Variants in RERE observed in about 807,000 individuals in gnomAD.
The protein encoded by RERE is arginine-glutamic acid dipeptide repeats protein.
In RERE, 40 loss-of-function variants were observed where a neutral mutation model predicts 146.1. The observed-to-expected ratio is 0.27, with a 90% CI of 0.21 to 0.36. The LOEUF (loss-of-function observed/expected upper bound fraction) is 0.36. Ranked by LOEUF, RERE falls within the 10% of genes least tolerant of loss-of-function variation. The pLI, the probability that RERE is intolerant of heterozygous loss-of-function variation, is 1.00. For missense variants in RERE, 1,933 were observed against 2,138.7 expected (o/e 0.90, Z 1.90); for synonymous variants, 1,003 against 866.0 (o/e 1.16, Z -2.78).
At chr1:8,480,808 C>G (rs142801815) in intron 10 of RERE, among the ~76,000 whole-genome samples, 85 of 152,212 alleles carry the variant, frequency 5.6e-4, no homozygotes, top group African/African-American at 1.7e-3. Context: ...GTTATTAATA[C>G]TAATATAGGC....
At chr1:8,401,400 C>T (rs903516888) in intron 12 of RERE, among the ~76,000 whole-genome samples, 1 of 151,856 alleles carries the variant, frequency 6.6e-6, no homozygotes, top group Non-Finnish European at 1.5e-5. Flanking sequence ...CGAGATCCTG[C>T]CACTGCACGC....
chr1:8,464,697 A>C (rs918139997), intron 11 of RERE, among the ~76,000 whole-genome samples: 1 of 152,120 alleles, frequency 6.6e-6, no homozygotes, highest in African/African-American at 2.4e-5. Context: ...TAATATCCAA[A>C]AGGCTGCCTT....
intron 3 of RERE, among the ~76,000 whole-genome samples, chr1:8,617,627 C>T (rs1224082654): frequency 1.3e-5 from 2 of 152,238 alleles, no homozygotes; most frequent in East Asian, 3.9e-4. Context: ...GCAGGCCTAC[C>T]TTGAAGGACT....
chr1:8,361,807 T>C lies in RERE; in HGVS notation c.1972A>G (p.Thr658Ala). The C allele has an allele frequency of 6.2e-7, 1 of 1,614,090 alleles. No homozygotes were observed. The highest frequency in any genetic ancestry group is 8.5e-7 in the Non-Finnish European group (1 of 1,179,946). ...KRQREKVASD[T>A]EEADRTSSKK... is the part of the protein sequence containing the mutation. ...GAGCTGGTCCTGTCAGCCTCCTCCG[T>C]ATCAGAGGCCACCTTCTCCCGCTGG... The change falls in exon 17 of 23, where the codon ACG becomes GCG. Residue 658 changes from threonine (T) to alanine (A), a missense_variant. Transcript: ENST00000400908.
chr1:8,520,752 TTTAAAAA>T lies in RERE; in HGVS notation c.831-12084_831-12078del, dbSNP rs1175309443. Among the ~76,000 whole-genome samples the T allele has an allele frequency of 7.4e-4, 11 of 14,778 alleles. No individual in the cohort carries two copies. In the East Asian group the frequency reaches 0.11, roughly 144 times the overall value. The allele number at this position is 14,778 out of a possible 152,430, so 9.7% of individuals were successfully genotyped here. On this transcript the variant is annotated intron_variant, in intron 7 of 22. Transcript: ENST00000400908. ...ACATGGAGATTCAGCCAAAAAACTTTTTAAAAAAAAAAAAAAAAAAAAAACCACTATG... is the reference window on the plus strand; with the variant it reads ...ACATGGAGATTCAGCCAAAAAACTTTAAAAAAAAAAAAAAAAACCACTATG...
intron 1 of RERE, among the ~76,000 whole-genome samples, chr1:8,670,965 G>A (rs865843274): frequency 1.3e-5 from 2 of 152,150 alleles, no homozygotes; most frequent in East Asian, 1.9e-4. Flanking sequence ...CTAACAGAGC[G>A]CACGTGGTGT....
chr1:8,504,721 C>T (rs1341988183), intron 8 of RERE, among the ~76,000 whole-genome samples: 6 of 151,944 alleles, frequency 3.9e-5, no homozygotes, highest in East Asian at 1.9e-4. Context: ...GGTGTGGTGG[C>T]GGGCGCCTAT....
chr1:8,733,184 AGAGAGAGT>A (rs1263010322), intron 1 of RERE, among the ~76,000 whole-genome samples: 1 of 152,106 alleles, frequency 6.6e-6, no homozygotes, highest in African/African-American at 2.4e-5. Flanking sequence ...AAAGAGAGAG[AGAGAGAGT>A]GAGTGTTGGG....
intron 4 of RERE, among the ~76,000 whole-genome samples, chr1:8,610,900 A>G (rs1646785244): frequency 1.3e-5 from 2 of 151,716 alleles, no homozygotes; most frequent in Admixed American, 6.6e-5. Flanking sequence ...GATTTAAAAA[A>G]AAAAAAACCA....
At chr1:8,458,190 G>C (rs1043564039) in intron 11 of RERE, among the ~76,000 whole-genome samples, 74 of 152,102 alleles carry the variant, frequency 4.9e-4, no homozygotes, top group African/African-American at 1.7e-3. Flanking sequence ...AATAACCACT[G>C]TCTATGGGAG....
intron 6 of RERE, among the ~76,000 whole-genome samples, chr1:8,552,600 A>G (rs866589819): frequency 8.5e-5 from 13 of 152,230 alleles, no homozygotes; most frequent in African/African-American, 1.2e-4. Context: ...AATTGGAAAA[A>G]AAAGGTAAAG....
intron 11 of RERE, among the ~76,000 whole-genome samples, chr1:8,459,672 G>C (rs1158499484): frequency 1.3e-5 from 2 of 152,168 alleles, no homozygotes; most frequent in Non-Finnish European, 2.9e-5. Context: ...GACCAGAAGA[G>C]AGCAAGAAGC....
intron 4 of RERE, among the ~76,000 whole-genome samples, chr1:8,587,956 A>G (rs943703419): frequency 3.9e-5 from 6 of 152,192 alleles, no homozygotes; most frequent in African/African-American, 1.4e-4. Flanking sequence ...ATGTTTCATT[A>G]GTGTTACTCG....
At position 8,601,625 on chromosome 1, in the gene RERE, A is replaced by ACC. The variant is rs1348316416; in HGVS notation, c.522+12934_522+12935dup. Among the ~76,000 whole-genome samples the ACC allele has an allele frequency of 9.4e-5, 6 of 63,520 alleles. 1 individual carries two copies. Among genetic ancestry groups the ACC allele is most frequent in the Admixed American group, 3.8e-4 (2 of 5,332 alleles). 41.7% of individuals were successfully genotyped at this position (63,520 alleles called of 152,430 possible). On this transcript the variant is annotated intron_variant, in intron 4 of 22. Transcript: ENST00000400908. ...CCCAACTGCCTTCATGTCCAAGGTC[A>ACC]CCACACACACACACACACACACACA...
chr1:8,429,728 A>C (rs1644068027), intron 11 of RERE: 1 of 152,688 alleles, frequency 6.5e-6, no homozygotes, highest in African/African-American at 2.4e-5. Flanking sequence ...TTTGGAAAAC[A>C]CTGTAGGTAT....
At chr1:8,816,459 A>T (rs1238669358) in intron 1 of RERE, among the ~76,000 whole-genome samples, 3 of 152,220 alleles carry the variant, frequency 2.0e-5, no homozygotes, top group Admixed American at 6.5e-5. Flanking sequence ...TTCAACAATG[A>T]ATCATTCTGT....
intron 4 of RERE, among the ~76,000 whole-genome samples, chr1:8,607,087 G>A (rs747963370): frequency 1.3e-4 from 20 of 152,086 alleles, no homozygotes; most frequent in Non-Finnish European, 2.1e-4. Flanking sequence ...CCGGCCAGAC[G>A]CAGTGGCTCA....
intron 1 of RERE, among the ~76,000 whole-genome samples, chr1:8,680,827 G>T (rs1424415398): frequency 2.0e-5 from 3 of 152,138 alleles, no homozygotes. Flanking sequence ...GCTCAGACTG[G>T]GAGTCGGAAA....
Position 8,637,895 on chromosome 1 carries a change from A to G in RERE, c.326-13515T>C, listed in dbSNP as rs6677280. On this transcript the variant is annotated intron_variant, in intron 2 of 22. Coordinates refer to ENST00000400908, the MANE Select transcript of RERE (RefSeq NM_001042681.2). ...AAATGTCCAGACATACTAACTCAGT[A>G]ATTCCATTCCTTAGGAAAGTGAGCT... Among the ~76,000 whole-genome samples the G allele has an allele frequency of 2.6e-3, 400 of 152,352 alleles. 2 individuals are homozygous for G. The highest frequency in any genetic ancestry group is 9.1e-3 in the African/African-American group (380 of 41,586).
Sources: allele counts gnomAD v4.1 joint callset (sites outside exome capture counted in the v4.1 genomes callset), GRCh38; gene constraint gnomAD v4.1.1; transcripts MANE v1.5; gene names NCBI Gene and HGNC (gene_info 2026-07-23, HGNC 2026-07-21).